Variants in PTPRD observed in about 807,000 individuals in gnomAD.
PTPRD encodes the protein receptor-type tyrosine-protein phosphatase delta.
Under a neutral mutation model 214.5 loss-of-function variants are expected in PTPRD, and 34 were observed. That is an observed-to-expected ratio of 0.16 (90% CI 0.12 to 0.21). PTPRD has a LOEUF of 0.21. Among genes scored for constraint, PTPRD ranks in the 10% least tolerant of loss-of-function variants. The pLI, the probability that PTPRD is intolerant of heterozygous loss-of-function variation, is 1.00. For missense variants in PTPRD, 2,545 were observed against 2,398.7 expected (o/e 1.06, Z -1.27); for synonymous variants, 1,128 against 845.7 (o/e 1.33, Z -5.79).
At chr9:9,786,174 TATTG>T (rs1416449768) in intron 5 of PTPRD, among the ~76,000 whole-genome samples, 1 of 152,194 alleles carries the variant, frequency 6.6e-6, no homozygotes, top group Non-Finnish European at 1.5e-5. Flanking sequence ...GACAAGCATT[TATTG>T]ATTGCCATTA....
intron 11 of PTPRD, among the ~76,000 whole-genome samples, chr9:8,992,690 C>G (rs556862992): frequency 2.3e-4 from 35 of 152,204 alleles, no homozygotes; most frequent in African/African-American, 8.2e-4. Context: ...AGAGCCTACA[C>G]CTTTCAAAAT....
chr9:9,847,522 T>A (rs1474465197), intron 5 of PTPRD, among the ~76,000 whole-genome samples: 2 of 152,146 alleles, frequency 1.3e-5, no homozygotes, highest in African/African-American at 4.8e-5. Context: ...TCTCTGGACC[T>A]AATATGCACA....
intron 11 of PTPRD, among the ~76,000 whole-genome samples, chr9:8,836,721 T>A (rs1213312542): frequency 6.8e-6 from 1 of 147,864 alleles, no homozygotes; most frequent in Non-Finnish European, 1.5e-5. Context: ...CTCAGCCTCC[T>A]GAGTAGCTGG....
At chr9:8,417,145 G>A (rs1427850045) in intron 35 of PTPRD, among the ~76,000 whole-genome samples, 3 of 152,036 alleles carry the variant, frequency 2.0e-5, no homozygotes, top group Non-Finnish European at 4.4e-5. Context: ...AAAATTTTTT[G>A]ATAATGAAAG....
intron 3 of PTPRD, among the ~76,000 whole-genome samples, chr9:10,295,991 G>C (rs534287391): frequency 6.6e-6 from 1 of 152,150 alleles, no homozygotes; most frequent in Admixed American, 6.6e-5. Flanking sequence ...GTTCCTTACA[G>C]ACAGTGATTC....
chr9:10,324,780 G>C (rs2096614340), intron 3 of PTPRD, among the ~76,000 whole-genome samples: 1 of 151,916 alleles, frequency 6.6e-6, no homozygotes, highest in Admixed American at 6.6e-5. Context: ...CCAAGCTTTT[G>C]AAATACTCTA....
chr9:9,440,127 A>G (rs2382011), intron 8 of PTPRD, among the ~76,000 whole-genome samples: 94,870 of 151,988 alleles, frequency 0.62, 29,866 homozygotes, highest in African/African-American at 0.71. Flanking sequence ...ATCATTATAT[A>G]TAAGCATTAG....
intron 39 of PTPRD, among the ~76,000 whole-genome samples, chr9:8,370,558 T>C (rs920022614): frequency 6.6e-6 from 1 of 152,102 alleles, no homozygotes; most frequent in African/African-American, 2.4e-5. Flanking sequence ...TTGTGATTAT[T>C]TATGTTCCAG....
chr9:9,983,060 CAAA>C (rs59328972), intron 4 of PTPRD, among the ~76,000 whole-genome samples: 459 of 147,418 alleles, frequency 3.1e-3, no homozygotes, highest in Non-Finnish European at 4.1e-3. Context: ...TATGTTATAC[CAAA>C]AAAAAAAAAA....
At chr9:8,431,401 A>C (rs2095044549) in intron 35 of PTPRD, among the ~76,000 whole-genome samples, 1 of 152,164 alleles carries the variant, frequency 6.6e-6, no homozygotes, top group Non-Finnish European at 1.5e-5. Flanking sequence ...CTTCAGTTTT[A>C]GATGATAGTT....
chr9:9,427,669 T>C (rs1468728385), intron 8 of PTPRD, among the ~76,000 whole-genome samples: 2 of 152,120 alleles, frequency 1.3e-5, no homozygotes, highest in African/African-American at 4.8e-5. Flanking sequence ...AGAGAAAGGT[T>C]GGGTTACCCA....
intron 11 of PTPRD, among the ~76,000 whole-genome samples, chr9:8,796,096 C>T (rs2096411822): frequency 6.6e-6 from 1 of 152,126 alleles, no homozygotes; most frequent in African/African-American, 2.4e-5. Context: ...ATAATCTATG[C>T]ATACTGTTGG....
chr9:10,001,176 T>C (rs950784550), intron 4 of PTPRD, among the ~76,000 whole-genome samples: 45 of 152,108 alleles, frequency 3.0e-4, no homozygotes, highest in African/African-American at 1.0e-3. Context: ...ATGACCCTGG[T>C]GTTCCTCCAG....
intron 11 of PTPRD, among the ~76,000 whole-genome samples, chr9:8,815,332 A>C (rs769877091): frequency 2.0e-5 from 3 of 152,202 alleles, no homozygotes; most frequent in Non-Finnish European, 2.9e-5. Flanking sequence ...TACATTTTCC[A>C]AAATAATCCA....
chr9:9,631,587 A>G (rs558005271), intron 7 of PTPRD, among the ~76,000 whole-genome samples: 361 of 152,246 alleles, frequency 2.4e-3, no homozygotes, highest in Non-Finnish European at 3.5e-3. Flanking sequence ...ACAAGAGAAA[A>G]TACAAGTCAA....
intron 11 of PTPRD, among the ~76,000 whole-genome samples, chr9:8,911,580 A>G (rs1469607373): frequency 6.6e-6 from 1 of 152,184 alleles, no homozygotes; most frequent in Non-Finnish European, 1.5e-5. Context: ...AAGGAAACAC[A>G]AGAGAAAATG....
chr9:10,369,436 CAAAG>C (rs759630870), intron 2 of PTPRD, among the ~76,000 whole-genome samples: 21 of 151,550 alleles, frequency 1.4e-4, no homozygotes, highest in Admixed American at 2.6e-4. Context: ...AGTGAGAGAA[CAAAG>C]AAAGTAGGTG....
At chr9:9,232,532 T>C (rs1161998910) in intron 9 of PTPRD, among the ~76,000 whole-genome samples, 1 of 152,136 alleles carries the variant, frequency 6.6e-6, no homozygotes, top group Non-Finnish European at 1.5e-5. Context: ...ATATAAACAT[T>C]TCACTGTTAT....
At chr9:8,930,443 G>C (rs2154281127) in intron 11 of PTPRD, among the ~76,000 whole-genome samples, 1 of 152,262 alleles carries the variant, frequency 6.6e-6, no homozygotes. Flanking sequence ...TGTCTTTATA[G>C]TAGAATTATT....
Sources: allele counts gnomAD v4.1 joint callset (sites outside exome capture counted in the v4.1 genomes callset), GRCh38; gene constraint gnomAD v4.1.1; transcripts MANE v1.5; gene names NCBI Gene and HGNC (gene_info 2026-07-23, HGNC 2026-07-21).